The following ASIC2 variants were observed in gnomAD, a reference collection of about 807,000 sequenced individuals.
The protein encoded by ASIC2 is acid sensing ion channel subunit 2, also known as acid-sensing ion channel 2.
A neutral mutation model predicts 57.3 loss-of-function variants in ASIC2; 25 were observed. That is an observed-to-expected ratio of 0.44 (90% confidence interval 0.32 to 0.61). The LOEUF (loss-of-function observed/expected upper bound fraction) is 0.61. ASIC2 is among the 20% of genes least tolerant of loss of function. The probability of loss-of-function intolerance (pLI) is 0.06; values close to 1 mark genes in which losing one functional copy is unlikely to be tolerated. For missense variants in ASIC2, 641 were observed against 738.1 expected, an observed-to-expected ratio of 0.87 and a Z score of 1.52; for synonymous variants, 319 against 307.5, an observed-to-expected ratio of 1.04 and a Z score of -0.39.
At chr17:33,269,613 C>CCCTCCCTT (rs1904365417) in intron 1 of ASIC2, among the ~76,000 whole-genome samples, 35 of 73,428 alleles carry the variant, frequency 4.8e-4, no homozygotes, top group Non-Finnish European at 5.7e-4. Flanking sequence ...AGGGCTCCTT[C>CCCTCCCTT]CCTTCCTTCC....
chr17:33,423,871 A>G (rs1275086264), intron 1 of ASIC2, among the ~76,000 whole-genome samples: 1 of 152,218 alleles, frequency 6.6e-6, no homozygotes, highest in Non-Finnish European at 1.5e-5. Context: ...AGGGGCAGCA[A>G]GAAGGTTCAG....
At chr17:33,562,573 T>A (rs1278743096) in intron 1 of ASIC2, among the ~76,000 whole-genome samples, 1 of 152,166 alleles carries the variant, frequency 6.6e-6, no homozygotes, top group East Asian at 1.9e-4. Flanking sequence ...AGAGAGCACG[T>A]CACACTCTTG....
At chr17:34,011,294 G>A (rs180673428) in intron 1 of ASIC2, among the ~76,000 whole-genome samples, 1 of 152,110 alleles carries the variant, frequency 6.6e-6, no homozygotes, top group Non-Finnish European at 1.5e-5. Flanking sequence ...TTTCATGCCC[G>A]TGCCTTCCTC....
At chr17:33,865,786 T>G (rs932758483) in intron 1 of ASIC2, among the ~76,000 whole-genome samples, 4 of 145,416 alleles carry the variant, frequency 2.8e-5, no homozygotes, top group African/African-American at 7.8e-5. Context: ...AAAAAAAACG[T>G]TTTTTTATTG....
At chr17:33,978,666 T>G (rs1905484862) in intron 1 of ASIC2, among the ~76,000 whole-genome samples, 1 of 152,100 alleles carries the variant, frequency 6.6e-6, no homozygotes, top group African/African-American at 2.4e-5. Context: ...TACGGTGTGC[T>G]GGGAGAGTCG....
chr17:34,032,965 A>C (rs1189605920), intron 1 of ASIC2, among the ~76,000 whole-genome samples: 3 of 152,338 alleles, frequency 2.0e-5, no homozygotes, highest in Non-Finnish European at 2.9e-5. Flanking sequence ...CAAGACAGAA[A>C]GTTAACAAGG....
intron 1 of ASIC2, among the ~76,000 whole-genome samples, chr17:33,607,043 C>T (rs777781288): frequency 1.3e-4 from 20 of 152,142 alleles, no homozygotes; most frequent in Admixed American, 5.2e-4. Flanking sequence ...TACCAAGCCC[C>T]TGCTGAATCC....
At chr17:33,344,124 G>T (rs1907848068) in intron 1 of ASIC2, among the ~76,000 whole-genome samples, 1 of 152,154 alleles carries the variant, frequency 6.6e-6, no homozygotes, top group Non-Finnish European at 1.5e-5. Flanking sequence ...GCAGATAATT[G>T]GTTAGTTGAG....
At chr17:33,141,931 T>C (rs1468570420) in intron 1 of ASIC2, among the ~76,000 whole-genome samples, 1 of 152,226 alleles carries the variant, frequency 6.6e-6, no homozygotes, top group African/African-American at 2.4e-5. Flanking sequence ...TAGGTGAATG[T>C]ACAAAATAGC....
At chr17:33,321,899 C>T (rs1906887509) in intron 1 of ASIC2, among the ~76,000 whole-genome samples, 1 of 152,122 alleles carries the variant, frequency 6.6e-6, no homozygotes, top group African/African-American at 2.4e-5. Flanking sequence ...CTGGTTTGGA[C>T]CAGACATTTC....
intron 1 of ASIC2, among the ~76,000 whole-genome samples, chr17:34,088,754 C>T (rs1250834679): frequency 1.3e-5 from 2 of 152,230 alleles, no homozygotes; most frequent in African/African-American, 2.4e-5. Context: ...GGCGCCCCTC[C>T]CCAGCCTCGC....
At chr17:33,800,284 C>T (rs72814937) in intron 1 of ASIC2, among the ~76,000 whole-genome samples, 6,273 of 152,230 alleles carry the variant, frequency 0.041, 190 homozygotes, top group Non-Finnish European at 0.06. Flanking sequence ...CCCCCTTTTG[C>T]ACAGGAATTG....
At chr17:33,365,365 G>A (rs930013876) in intron 1 of ASIC2, among the ~76,000 whole-genome samples, 4 of 150,460 alleles carry the variant, frequency 2.7e-5, no homozygotes, top group Non-Finnish European at 5.9e-5. Flanking sequence ...CAAGCTCCTA[G>A]GGTAGTAACT....
chr17:34,089,709 CA>C (rs1004211411), intron 1 of ASIC2, among the ~76,000 whole-genome samples: 2 of 152,166 alleles, frequency 1.3e-5, no homozygotes. Context: ...TCACTCTCTT[CA>C]AAGACTCATT....
intron 1 of ASIC2, among the ~76,000 whole-genome samples, chr17:34,124,171 G>A (rs1355418673): frequency 6.6e-6 from 1 of 152,158 alleles, no homozygotes; most frequent in Non-Finnish European, 1.5e-5. Context: ...TTACAGACAA[G>A]AAGGTTGAGG....
intron 1 of ASIC2, among the ~76,000 whole-genome samples, chr17:33,855,478 T>C (rs1337267842): frequency 1.3e-5 from 2 of 152,236 alleles, no homozygotes; most frequent in African/African-American, 4.8e-5. Flanking sequence ...AATTAATTCA[T>C]TCTGCAAAAT....
chr17:33,594,593 C>G (rs890989942), intron 1 of ASIC2, among the ~76,000 whole-genome samples: 2 of 152,144 alleles, frequency 1.3e-5, no homozygotes, highest in Non-Finnish European at 2.9e-5. Flanking sequence ...CTGTGGGAGG[C>G]TGAGGCAGGC....
chr17:34,038,051 C>A (rs931836722), intron 1 of ASIC2: 2 of 1,613,200 alleles, frequency 1.2e-6, no homozygotes, highest in African/African-American at 2.7e-5. Flanking sequence ...TAGCTCCATG[C>A]CATCCACTGA....
chr17:33,802,486 C>T (rs1014007813), intron 1 of ASIC2, among the ~76,000 whole-genome samples: 4 of 152,136 alleles, frequency 2.6e-5, no homozygotes, highest in Non-Finnish European at 4.4e-5. Context: ...GTTGACCTTC[C>T]GAATTGCCTG....
Sources: gnomAD v4.1 joint callset for allele counts (sites outside exome capture counted in the v4.1 genomes callset) on GRCh38, gnomAD v4.1.1 for gene constraint, MANE v1.5 for transcripts, NCBI Gene and HGNC (gene_info 2026-07-23, HGNC 2026-07-21) for gene names.